MIPOL1: variants seen among roughly 807,000 people sequenced by gnomAD.
MIPOL1 encodes the protein mirror-image polydactyly gene 1 protein.
MIPOL1 carries 57 observed loss-of-function variants against 60.9 expected under a neutral mutation model. The observed-to-expected ratio is 0.94, with a 90% confidence interval of 0.76 to 1.17. The LOEUF (loss-of-function observed/expected upper bound fraction) is 1.17, where lower values mean the gene tolerates loss of function less well. Among genes scored for constraint, MIPOL1 ranks in the 50% most tolerant of loss-of-function variants. The probability of loss-of-function intolerance (pLI) is 0.00; values close to 1 mark genes in which losing one functional copy is unlikely to be tolerated. For synonymous variants in MIPOL1, 179 were observed against 168.8 expected, an observed-to-expected ratio of 1.06 and a Z score of -0.47; for missense variants, 551 against 511.6, an observed-to-expected ratio of 1.08 and a Z score of -0.74.
At chr14:37,472,435 AAACT>A (rs34228463) in intron 11 of MIPOL1, among the ~76,000 whole-genome samples, 112,103 of 151,448 alleles carry the variant, frequency 0.74, 41,685 homozygotes, top group East Asian at 0.85. Flanking sequence ...AATTATGGAG[AAACT>A]AACTAGTGAG....
intron 11 of MIPOL1, among the ~76,000 whole-genome samples, chr14:37,467,853 A>T (rs147776283): frequency 1.7e-3 from 261 of 152,066 alleles, no homozygotes; most frequent in Middle Eastern, 6.8e-3. Context: ...CAGGAGTTGA[A>T]GACCAGCCTG....
chr14:37,272,550 C>T lies in MIPOL1; in HGVS notation c.493+2025C>T, dbSNP rs147612693. On this transcript the variant is annotated intron_variant, in intron 6 of 12. Transcript: ENST00000684589. ...TGTCTTAAATAAACTTATTTTCTAT[C>T]TGATGAATAGGAGGTACAGTCAAAA... Among the ~76,000 whole-genome samples, 1,433 of 151,518 alleles carry T rather than the reference C, an allele frequency of 9.5e-3. 18 individuals are homozygous for T. The highest frequency in any genetic ancestry group is 0.012 in the Non-Finnish European group (824 of 67,512).
intron 3 of MIPOL1, among the ~76,000 whole-genome samples, chr14:37,254,962 A>G (rs1201323928): frequency 1.3e-5 from 2 of 151,840 alleles, no homozygotes; most frequent in Non-Finnish European, 3.0e-5. Context: ...TTTCAAATTT[A>G]TTTGTGGTCA....
At chr14:37,303,741 C>T (rs1254021498) in intron 7 of MIPOL1, among the ~76,000 whole-genome samples, 1 of 151,742 alleles carries the variant, frequency 6.6e-6, no homozygotes, top group Non-Finnish European at 1.5e-5. Context: ...GTGTCAGGTA[C>T]AGTGCTAGTT....
At chr14:37,223,656 C>G (rs967636608) in intron 1 of MIPOL1, among the ~76,000 whole-genome samples, 20 of 151,970 alleles carry the variant, frequency 1.3e-4, no homozygotes, top group African/African-American at 4.4e-4. Context: ...GCATGTACCA[C>G]CACGCCCGGC....
intron 11 of MIPOL1, among the ~76,000 whole-genome samples, chr14:37,444,256 A>G (rs2094297095): frequency 6.6e-6 from 1 of 152,172 alleles, no homozygotes; most frequent in African/African-American, 2.4e-5. Flanking sequence ...ATTTTTACAT[A>G]TTGATCTGAA....
chr14:37,500,968 ACTGTGAAGCAGTG>A (rs1177498573), intron 12 of MIPOL1, among the ~76,000 whole-genome samples: 1 of 152,218 alleles, frequency 6.6e-6, no homozygotes, highest in African/African-American at 2.4e-5. Context: ...TCAGTTTTAC[ACTGTGAAGCAGTG>A]CTCACATCAA....
In MIPOL1 at chr14:37,440,571, C is replaced by A. The variant is rs141438227; in HGVS notation, c.1031+17622C>A. On this transcript the variant is annotated intron_variant, in intron 11 of 12. Transcript: ENST00000684589. ...CTTCTTTCACTTAAGATAATGACTT[C>A]CGGTTCCATTCGTGTTGCTACAAAA... is the stretch of plus-strand genomic sequence containing the variant. Among the ~76,000 whole-genome samples, 155 of 152,224 alleles carry A rather than the reference C, an allele frequency of 1.0e-3. 1 individual carries two copies. Among genetic ancestry groups the A allele is most frequent in the African/African-American group, 3.4e-3 (141 of 41,544 alleles).
chr14:37,501,318 C>T (rs960785145), intron 12 of MIPOL1, among the ~76,000 whole-genome samples: 1 of 152,116 alleles, frequency 6.6e-6, no homozygotes, highest in Admixed American at 6.5e-5. Context: ...CATTATAAAT[C>T]ACAATCAGTA....
At chr14:37,457,739 A>G (rs1346477599) in intron 11 of MIPOL1, among the ~76,000 whole-genome samples, 2 of 152,158 alleles carry the variant, frequency 1.3e-5, no homozygotes, top group East Asian at 3.9e-4. Flanking sequence ...TGCTCCTTGT[A>G]TGTATTCCTA....
intron 11 of MIPOL1, among the ~76,000 whole-genome samples, chr14:37,488,768 C>A (rs1566700639): frequency 6.6e-6 from 1 of 152,144 alleles, no homozygotes; most frequent in Non-Finnish European, 1.5e-5. Flanking sequence ...TATTGGCCCC[C>A]ACTCTCTTCT....
At position 37,533,375 on chromosome 14, in the gene MIPOL1, G is replaced by A. The variant is rs550459419; in HGVS notation, c.1263-13530G>A. On this transcript the variant is annotated intron_variant, in intron 12 of 12. Transcript: ENST00000684589. Reference sequence around the variant, plus strand: ...CGATAAGAAAAAGCCTATGAGAACAGTATAATTGAGCAGTTTTCAAAACAA... The same window carrying A: ...CGATAAGAAAAAGCCTATGAGAACAATATAATTGAGCAGTTTTCAAAACAA... Among the ~76,000 whole-genome samples, 15 of 152,242 alleles carry A rather than the reference G, an allele frequency of 9.9e-5. 1 individual carries two copies. In the South Asian group the frequency reaches 2.9e-3, roughly 29 times the overall value.
At chr14:37,411,729 T>G (rs543375538) in intron 10 of MIPOL1, among the ~76,000 whole-genome samples, 1 of 152,286 alleles carries the variant, frequency 6.6e-6, no homozygotes, top group Non-Finnish European at 1.5e-5. Flanking sequence ...AAGCCTAAAA[T>G]ATTTATTTTA....
intron 11 of MIPOL1, among the ~76,000 whole-genome samples, chr14:37,448,501 A>G (rs1163009970): frequency 1.3e-5 from 2 of 152,228 alleles, no homozygotes; most frequent in African/African-American, 2.4e-5. Flanking sequence ...TTGCTTGCCA[A>G]ACTATATTTA....
At chr14:37,295,780 A>G (rs905179857) in intron 7 of MIPOL1, among the ~76,000 whole-genome samples, 5 of 152,326 alleles carry the variant, frequency 3.3e-5, no homozygotes, top group Non-Finnish European at 7.4e-5. Context: ...TGTACCCAAT[A>G]CAGGAGCACC....
chr14:37,483,698 T>C (rs1393520489), intron 11 of MIPOL1, among the ~76,000 whole-genome samples: 1 of 152,030 alleles, frequency 6.6e-6, no homozygotes, highest in Non-Finnish European at 1.5e-5. Context: ...TGCAGTGGCA[T>C]GACTGTAGCT....
chr14:37,541,009 C>T (rs1224646461), intron 12 of MIPOL1, among the ~76,000 whole-genome samples: 2 of 152,122 alleles, frequency 1.3e-5, no homozygotes, highest in South Asian at 4.1e-4. Flanking sequence ...AGTGTCTTCC[C>T]CTCTACTCCA....
chr14:37,272,309 C>T (rs1006040866), intron 6 of MIPOL1, among the ~76,000 whole-genome samples: 5 of 151,414 alleles, frequency 3.3e-5, no homozygotes, highest in African/African-American at 1.2e-4. Flanking sequence ...TATATCTTTC[C>T]TCTTTAATAT....
rs1320284632 is a variant in MIPOL1 at position 37,412,470 on chromosome 14, A to G, written c.937-10385A>G. ...TGTGGTATATTTATGTTCATTATAT[A>G]CTGTACAGCAATTATAATTGTATAC... On this transcript the variant is annotated intron_variant, in intron 10 of 12. Transcript: ENST00000684589. Among the ~76,000 whole-genome samples the G allele has an allele frequency of 5.3e-5, 8 of 152,300 alleles. No individual in the cohort carries two copies. In the East Asian group the frequency reaches 5.8e-4, roughly 11 times the overall value.
Sources: gnomAD v4.1 joint callset for allele counts (sites outside exome capture counted in the v4.1 genomes callset) on GRCh38, gnomAD v4.1.1 for gene constraint, MANE v1.5 for transcripts, NCBI Gene and HGNC (gene_info 2026-07-23, HGNC 2026-07-21) for gene names.